MARCHF1: variants seen among roughly 807,000 people sequenced by gnomAD.
MARCHF1 encodes the protein E3 ubiquitin-protein ligase MARCHF1.
A neutral mutation model predicts 54.2 loss-of-function variants in MARCHF1; 40 were observed. The ratio of observed to expected loss-of-function variants is 0.74; its 90% CI spans 0.57 to 0.96. The LOEUF (loss-of-function observed/expected upper bound fraction) is 0.96, where lower values mean the gene tolerates loss of function less well. Ranked by LOEUF, MARCHF1 falls within the 40% of genes least tolerant of loss-of-function variation. The pLI, the probability that MARCHF1 is intolerant of heterozygous loss-of-function variation, is 0.00. For missense variants in MARCHF1, 586 were observed against 656.5 expected (o/e 0.89, Z 1.17); for synonymous variants, 236 against 236.3 (o/e 1.00, Z 0.01).
intron 4 of MARCHF1, among the ~76,000 whole-genome samples, chr4:163,719,688 A>T (rs544542865): frequency 1.3e-5 from 2 of 151,638 alleles, no homozygotes; most frequent in South Asian, 4.2e-4. Context: ...CCTCTCCAGC[A>T]CCTGTTGTTT....
chr4:163,953,251 G>A (rs754916379), intron 3 of MARCHF1, among the ~76,000 whole-genome samples: 11 of 152,008 alleles, frequency 7.2e-5, no homozygotes, highest in South Asian at 2.1e-4. Flanking sequence ...GTGAGGCATC[G>A]TGGCTACTGT....
intron 1 of MARCHF1, among the ~76,000 whole-genome samples, chr4:164,149,257 G>A (rs77666673): frequency 2.0e-5 from 3 of 152,024 alleles, no homozygotes; most frequent in African/African-American, 7.3e-5. Flanking sequence ...ACCTCTTTGG[G>A]TTACTCAGTC....
intron 1 of MARCHF1, among the ~76,000 whole-genome samples, chr4:164,156,296 G>A (rs988679071): frequency 6.6e-6 from 1 of 152,138 alleles, no homozygotes; most frequent in Non-Finnish European, 1.5e-5. Context: ...ATTTAAAAAT[G>A]TCTAGTATAT....
intron 1 of MARCHF1, among the ~76,000 whole-genome samples, chr4:164,310,812 A>G (rs1734829827): frequency 6.6e-6 from 1 of 152,150 alleles, no homozygotes; most frequent in Non-Finnish European, 1.5e-5. Flanking sequence ...TGGAAAATAT[A>G]AAAACATAAT....
chr4:164,368,614 A>G (rs778026490), intron 1 of MARCHF1, among the ~76,000 whole-genome samples: 5 of 152,206 alleles, frequency 3.3e-5, no homozygotes, highest in Non-Finnish European at 5.9e-5. Flanking sequence ...AATACATTTC[A>G]AACCAAATTC....
intron 4 of MARCHF1, among the ~76,000 whole-genome samples, chr4:163,755,147 C>T (rs1054996061): frequency 7.9e-5 from 12 of 152,128 alleles, no homozygotes; most frequent in African/African-American, 2.9e-4. Context: ...GATAGCCCCT[C>T]ACAGCAAATA....
chr4:164,189,187 A>G, intron 1 of MARCHF1: 2 of 560,878 alleles, frequency 3.6e-6, no homozygotes, highest in South Asian at 3.9e-5. Context: ...CAAGTTGTAC[A>G]AAAAGAAGAC....
chr4:164,087,262 G>A (rs1359131373), intron 2 of MARCHF1, among the ~76,000 whole-genome samples: 1 of 151,982 alleles, frequency 6.6e-6, no homozygotes, highest in African/African-American at 2.4e-5. Context: ...CTTCAAGAGG[G>A]ATGAAGAAAT....
chr4:163,830,226 T>C (rs1424418947), intron 4 of MARCHF1, among the ~76,000 whole-genome samples: 3 of 151,540 alleles, frequency 2.0e-5, no homozygotes, highest in Non-Finnish European at 4.4e-5. Context: ...TTCCTAGGAA[T>C]ATTTCATCTC....
chr4:164,313,068 G>A (rs1481561060), intron 1 of MARCHF1, among the ~76,000 whole-genome samples: 1 of 151,672 alleles, frequency 6.6e-6, no homozygotes, highest in African/African-American at 2.4e-5. Flanking sequence ...GGGAGCGGTG[G>A]TGGCTCACGC....
At chr4:163,930,989 G>A (rs1050937180) in intron 3 of MARCHF1, among the ~76,000 whole-genome samples, 1 of 152,072 alleles carries the variant, frequency 6.6e-6, no homozygotes, top group Admixed American at 6.6e-5. Context: ...ATCTAGAGAT[G>A]GGGACTTTAG....
intron 9 of MARCHF1, among the ~76,000 whole-genome samples, chr4:163,544,127 CTGTT>C (rs1180025162): frequency 6.6e-6 from 1 of 152,150 alleles, no homozygotes; most frequent in East Asian, 1.9e-4. Context: ...GTACAGCACA[CTGTT>C]TGTTACTTGG....
intron 1 of MARCHF1, among the ~76,000 whole-genome samples, chr4:164,127,418 A>C (rs1201322971): frequency 1.3e-5 from 2 of 152,194 alleles, no homozygotes; most frequent in Non-Finnish European, 2.9e-5. Flanking sequence ...CACTATGTTC[A>C]CTTGTGTTAG....
At chr4:164,239,206 T>C in intron 1 of MARCHF1, among the ~76,000 whole-genome samples, 1 of 152,062 alleles carries the variant, frequency 6.6e-6, no homozygotes, top group East Asian at 1.9e-4. Context: ...CCATTTAAAT[T>C]GTGTATCAAA....
chr4:163,676,145 G>C (rs1240911576), intron 5 of MARCHF1, among the ~76,000 whole-genome samples: 1 of 141,664 alleles, frequency 7.1e-6, no homozygotes, highest in East Asian at 2.1e-4. Context: ...GAGTTCTACA[G>C]CCTGACCAAA....
At chr4:164,280,442 G>T (rs1331503950) in intron 1 of MARCHF1, among the ~76,000 whole-genome samples, 1 of 151,962 alleles carries the variant, frequency 6.6e-6, no homozygotes, top group Non-Finnish European at 1.5e-5. Flanking sequence ...CATAATGGTG[G>T]CATTTTAAAT....
At chr4:164,042,752 C>A (rs565069304) in intron 2 of MARCHF1, among the ~76,000 whole-genome samples, 1 of 152,296 alleles carries the variant, frequency 6.6e-6, no homozygotes, top group South Asian at 2.1e-4. Flanking sequence ...TAATTCTCTT[C>A]CACCTATAAA....
intron 2 of MARCHF1, among the ~76,000 whole-genome samples, chr4:163,999,845 A>G (rs1486141237): frequency 6.6e-6 from 1 of 151,664 alleles, no homozygotes; most frequent in Non-Finnish European, 1.5e-5. Flanking sequence ...TTTAACAGAG[A>G]AGGAAACTAA....
At chr4:163,555,564 G>A (rs905166071) in intron 8 of MARCHF1, among the ~76,000 whole-genome samples, 2 of 151,822 alleles carry the variant, frequency 1.3e-5, no homozygotes, top group Non-Finnish European at 2.9e-5. Flanking sequence ...CGGAGGTTAT[G>A]GTGAAAGATA....
Sources: allele counts gnomAD v4.1 joint callset (sites outside exome capture counted in the v4.1 genomes callset), GRCh38; gene constraint gnomAD v4.1.1; transcripts MANE v1.5; gene names NCBI Gene and HGNC (gene_info 2026-07-23, HGNC 2026-07-21).